Variants in NELL1 observed in about 807,000 individuals in gnomAD.
NELL1 encodes neural EGFL like 1.
In NELL1, 76 loss-of-function variants were observed where a neutral mutation model predicts 107.4. That is an observed-to-expected ratio of 0.71 (90% confidence interval 0.59 to 0.86). NELL1 has a LOEUF of 0.86. Among genes scored for constraint, NELL1 ranks in the 40% least tolerant of loss-of-function variants. The pLI is 0.00. For missense variants in NELL1, 1,024 were observed against 1,005.5 expected (o/e 1.02, Z -0.25); for synonymous variants, 353 against 341.2 (o/e 1.03, Z -0.38).
chr11:20,845,228 T>C (rs773302541), intron 3 of NELL1, among the ~76,000 whole-genome samples: 1 of 152,230 alleles, frequency 6.6e-6, no homozygotes, highest in Non-Finnish European at 1.5e-5. Flanking sequence ...TGCCTGACAT[T>C]AGGACAGACT....
At chr11:20,699,127 G>T (rs902592281) in intron 2 of NELL1, among the ~76,000 whole-genome samples, 2 of 151,518 alleles carry the variant, frequency 1.3e-5, no homozygotes, top group Admixed American at 1.3e-4. Context: ...TGAGGCAGGA[G>T]AATTGCTTGA....
At chr11:21,302,958 G>T (rs1849526282) in intron 14 of NELL1, among the ~76,000 whole-genome samples, 1 of 151,808 alleles carries the variant, frequency 6.6e-6, no homozygotes. Context: ...GAACTCAAGA[G>T]ACTGAAGCGG....
chr11:20,977,084 A>G (rs528769427), intron 12 of NELL1, among the ~76,000 whole-genome samples: 1 of 152,148 alleles, frequency 6.6e-6, no homozygotes, highest in African/African-American at 2.4e-5. Context: ...AAATATGACA[A>G]TAACAAATAT....
At chr11:20,797,517 G>C (rs551774455) in intron 3 of NELL1, among the ~76,000 whole-genome samples, 2 of 132,218 alleles carry the variant, frequency 1.5e-5, no homozygotes, top group Admixed American at 9.5e-5. Context: ...AGTGAGCCGA[G>C]ATCGCGGCAC....
intron 14 of NELL1, among the ~76,000 whole-genome samples, chr11:21,354,108 C>T (rs1156485633): frequency 6.6e-6 from 1 of 152,004 alleles, no homozygotes; most frequent in Non-Finnish European, 1.5e-5. Flanking sequence ...TAAGTCTTAC[C>T]GCAGTTTCTA....
chr11:21,367,585 G>C (rs930021265), intron 14 of NELL1, among the ~76,000 whole-genome samples: 1 of 152,072 alleles, frequency 6.6e-6, no homozygotes, highest in East Asian at 1.9e-4. Context: ...CCGTTATCTG[G>C]AAAAGCAGAG....
intron 7 of NELL1, among the ~76,000 whole-genome samples, chr11:20,926,416 A>T (rs897733009): frequency 1.3e-5 from 2 of 152,142 alleles, no homozygotes; most frequent in African/African-American, 4.8e-5. Context: ...TTTGCTCAGG[A>T]TGGATTACAA....
At chr11:21,365,206 A>T (rs762126435) in intron 14 of NELL1, among the ~76,000 whole-genome samples, 2 of 152,088 alleles carry the variant, frequency 1.3e-5, no homozygotes, top group African/African-American at 4.8e-5. Context: ...CTATTCCACT[A>T]TGAGATTCTT....
intron 2 of NELL1, among the ~76,000 whole-genome samples, chr11:20,724,177 G>A (rs1855458074): frequency 6.6e-6 from 1 of 152,210 alleles, no homozygotes; most frequent in Non-Finnish European, 1.5e-5. Context: ...GAAGATCTCT[G>A]CAATGCTGTG....
Position 21,570,796 on chromosome 11 carries a change from T to C in NELL1, c.2013T>C (p.Cys671=). 2 of 1,611,498 alleles carry C rather than the reference T, an allele frequency of 1.2e-6. No individual in the cohort carries two copies. Among genetic ancestry groups the C allele is most frequent in the Non-Finnish European group, 1.7e-6 (2 of 1,178,504 alleles). ...AGATATTCTGCCGACGGACAGCTTG[T>C]GATTGCCAGAATCCAAGTGCTGACC... ...DGKIFCRRTA[C]DCQNPSADLF... is the part of the protein sequence containing the mutation. Residue 671 remains cysteine (C), a synonymous_variant, in exon 18 of 20, where the codon TGT becomes TGC. Coordinates refer to ENST00000357134, the MANE Select transcript of NELL1 (RefSeq NM_006157.5).
At chr11:21,234,574 G>C (rs1858152115) in intron 14 of NELL1, among the ~76,000 whole-genome samples, 1 of 152,130 alleles carries the variant, frequency 6.6e-6, no homozygotes, top group Admixed American at 6.5e-5. Flanking sequence ...GTAAAATTCA[G>C]GTCACTGTAG....
intron 15 of NELL1, among the ~76,000 whole-genome samples, chr11:21,391,806 C>T (rs1851884614): frequency 6.6e-6 from 1 of 151,674 alleles, no homozygotes; most frequent in Non-Finnish European, 1.5e-5. Flanking sequence ...CCCTTATCTT[C>T]ACCTTTTCTT....
chr11:21,266,079 C>T (rs1164839728), intron 14 of NELL1, among the ~76,000 whole-genome samples: 1 of 151,948 alleles, frequency 6.6e-6, no homozygotes, highest in African/African-American at 2.4e-5. Flanking sequence ...TGGATGATTC[C>T]CTAACCCTCC....
chr11:21,050,134 C>G (rs1015235486), intron 12 of NELL1, among the ~76,000 whole-genome samples: 2 of 152,068 alleles, frequency 1.3e-5, no homozygotes, highest in African/African-American at 4.8e-5. Flanking sequence ...AATTATCTGC[C>G]TTTGTCAGCA....
intron 12 of NELL1, among the ~76,000 whole-genome samples, chr11:21,018,520 G>A (rs1009313808): frequency 1.3e-5 from 2 of 152,070 alleles, no homozygotes; most frequent in African/African-American, 4.8e-5. Flanking sequence ...TGATCATCCT[G>A]ATTAGGAGAA....
chr11:21,022,786 C>G (rs189042927), intron 12 of NELL1, among the ~76,000 whole-genome samples: 54 of 152,164 alleles, frequency 3.5e-4, no homozygotes, highest in Middle Eastern at 3.4e-3. Context: ...ACAAAGTTAT[C>G]ATAAGGGTTA....
chr11:20,898,000 A>C (rs1849786831), intron 5 of NELL1, among the ~76,000 whole-genome samples: 1 of 152,216 alleles, frequency 6.6e-6, no homozygotes. Flanking sequence ...GCCATTGTGA[A>C]AGTCAGTGTG....
At chr11:20,741,702 A>C (rs1855895068) in intron 2 of NELL1, among the ~76,000 whole-genome samples, 1 of 152,200 alleles carries the variant, frequency 6.6e-6, no homozygotes, top group African/African-American at 2.4e-5. Context: ...AAACCCATCA[A>C]GGTTAATTCT....
intron 14 of NELL1, among the ~76,000 whole-genome samples, chr11:21,326,542 C>G (rs1440007975): frequency 6.6e-6 from 1 of 151,700 alleles, no homozygotes; most frequent in African/African-American, 2.4e-5. Context: ...TTAAAAATAT[C>G]TTCTACATTT....
Sources: gnomAD v4.1 joint callset for allele counts (sites outside exome capture counted in the v4.1 genomes callset) on GRCh38, gnomAD v4.1.1 for gene constraint, MANE v1.5 for transcripts, NCBI Gene and HGNC (gene_info 2026-07-23, HGNC 2026-07-21) for gene names.